SLC4A3: variants seen among roughly 807,000 people sequenced by gnomAD.
SLC4A3 encodes solute carrier family 4 member 3, also known as anion exchange protein 3.
In SLC4A3, 47 loss-of-function variants were observed where a neutral mutation model predicts 114.2. The ratio of observed to expected loss-of-function variants is 0.41; its 90% confidence interval spans 0.33 to 0.52. SLC4A3 has a LOEUF of 0.52. Among genes scored for constraint, SLC4A3 ranks in the 20% least tolerant of loss-of-function variants. The pLI, the probability that SLC4A3 is intolerant of heterozygous loss-of-function variation, is 0.21. For synonymous variants in SLC4A3, 693 were observed against 710.3 expected (o/e 0.98, Z 0.39); for missense variants, 1,312 against 1,668.3 (o/e 0.79, Z 3.72).
chr2:219,630,175 G>C lies in SLC4A3; in HGVS notation c.634G>C (p.Ala212Pro). The C allele has an allele frequency of 6.2e-7, 1 of 1,612,552 alleles. No homozygotes were observed. Among genetic ancestry groups the C allele is most frequent in the Non-Finnish European group, 8.5e-7 (1 of 1,179,504 alleles). Residue 212 changes from alanine to proline, a missense_variant, in exon 6 of 23, where the codon GCC becomes CCC. By Grantham distance (27) the Ala-to-Pro change is conservative. This residue lies in a region of SLC4A3 where 771 missense variants were observed against 977.7 expected (regional missense o/e 0.79). Coordinates refer to ENST00000358055, the MANE Select transcript of SLC4A3 (RefSeq NM_005070.4). The surrounding 1 kb of genome is among the most constrained non-coding windows in gnomAD (Gnocchi z 6.9). Reference protein sequence around the residue: ...SSSSPSPRARASRLAGEKSRP... With the variant: ...SSSSPSPRARPSRLAGEKSRP... The stretch of plus-strand genomic sequence containing the variant: ...CAGCTCCCCCAGCCCCCGGGCCCGG[G>C]CCTCCCGACTCGCTGGGGAGAAAAG...
chr2:219,638,109 G>T lies in SLC4A3; in HGVS notation c.2767-55G>T. On this transcript the variant is annotated intron_variant, in intron 17 of 22. Transcript: ENST00000358055. This position sits in a 1 kb window ranked among gnomAD's most constrained non-coding sequence, Gnocchi z 7.5. Reference sequence around the variant, plus strand: ...GCCAGAGATGGCAAGCCCCGTGTTAGTCTGCTGACCTTGCCTCCACCTTTT... The same window carrying T: ...GCCAGAGATGGCAAGCCCCGTGTTATTCTGCTGACCTTGCCTCCACCTTTT... 1 of 1,405,142 alleles carries T rather than the reference G, an allele frequency of 7.1e-7. No individual in the cohort carries two copies. The highest frequency in any genetic ancestry group is 1.2e-5 in the South Asian group (1 of 82,400). 87.0% of individuals were successfully genotyped at this position (1,405,142 alleles called of 1,614,324 possible). A position where few individuals can be genotyped will look rare whatever the true frequency, so the allele number is the denominator to read the frequency against.
Position 219,628,657 on chromosome 2 carries a change from C to T in SLC4A3, c.217+87C>T. 7.5e-7 allele frequency: 1 copy of T among 1,340,082 alleles called. No individual in the cohort carries two copies. The highest frequency in any genetic ancestry group is 1.2e-5 in the South Asian group (1 of 80,786). The allele number at this position is 1,340,082 out of a possible 1,614,324, so 83.0% of individuals were successfully genotyped here. A position where few individuals can be genotyped will look rare whatever the true frequency, so the allele number is the denominator to read the frequency against. ...TCACCGCGCTCACCTCCGGCTTGGT[C>T]ACCCAGTGCCATCCTGTGCCGGACA... On this transcript the variant is annotated intron_variant, in intron 3 of 22. Transcript: ENST00000358055. The surrounding 1 kb of genome is among the most constrained non-coding windows in gnomAD (Gnocchi z 4.8).
rs1194711497 is a variant in SLC4A3 at position 219,631,379 on chromosome 2, T to A, written c.812-589T>A. ...TGGCCCCGGAAGACTTAGAGATGTT[T>A]GTGCTGGACTTTGAGGATGGTGACC... is the stretch of plus-strand genomic sequence containing the variant. On this transcript the variant is annotated intron_variant, in intron 6 of 22. Coordinates refer to ENST00000358055, the MANE Select transcript of SLC4A3 (RefSeq NM_005070.4). This position sits in a 1 kb window ranked among gnomAD's most constrained non-coding sequence, Gnocchi z 6.3. 3 of 1,304,208 alleles carry A rather than the reference T, an allele frequency of 2.3e-6. No homozygotes were observed. In the Admixed American group the frequency reaches 6.9e-5, roughly 30 times the overall value. The allele number at this position is 1,304,208 out of a possible 1,614,324, so 80.8% of individuals were successfully genotyped here. A position where few individuals can be genotyped will look rare whatever the true frequency, so the allele number is the denominator to read the frequency against.
Position 219,636,760 on chromosome 2 carries a change from G to A in SLC4A3, c.2421G>A (p.Leu807=), listed in dbSNP as rs1307313596. The change falls in exon 16 of 23, where the codon CTG becomes CTA. Residue 807 remains leucine, a synonymous_variant. Transcript: ENST00000358055. This position sits in a 1 kb window ranked among gnomAD's most constrained non-coding sequence, Gnocchi z 5.5. ...GGCTGGTGGTCTTCGTCCTTGCCCT[G>A]GTGGCCGCCGAAGGCAGCTTCCTGG... ...GLWLVVFVLA[L]VAAEGSFLVR... 1 of 1,613,964 alleles carries A rather than the reference G, an allele frequency of 6.2e-7. No individual in the cohort carries two copies. Among genetic ancestry groups the A allele is most frequent in the Non-Finnish European group, 8.5e-7 (1 of 1,179,974 alleles).
chr2:219,640,180 C>T (rs577858580), intron 20 of SLC4A3, among the ~76,000 whole-genome samples: 1 of 151,674 alleles, frequency 6.6e-6, no homozygotes. Context: ...CCACCCACCT[C>T]GGCCTCCCAA....
intron 5 of SLC4A3, 43 bp downstream of exon 5, chr2:219,629,738 C>T: frequency 7.2e-7 from 1 of 1,393,814 alleles, no homozygotes; most frequent in Non-Finnish European, 1.0e-6. Flanking sequence ...AGCCCAGAGC[C>T]ACAGGGTCCA....
At chr2:219,629,101 G>A in intron 3 of SLC4A3, 43 bp from the exon 4 acceptor site, 1 of 1,528,538 alleles carries the variant, frequency 6.5e-7, no homozygotes, top group Non-Finnish European at 8.8e-7. Context: ...GAGGGCCCCT[G>A]TTTCTGCTGT....
chr2:219,640,455 G>A lies in SLC4A3; in HGVS notation c.3303G>A (p.Val1101=), dbSNP rs1699286504. The A allele has an allele frequency of 6.2e-7, 1 of 1,613,886 alleles. No individual in the cohort carries two copies. Among genetic ancestry groups the A allele is most frequent in the Admixed American group, 1.7e-5 (1 of 60,004 alleles). The stretch of plus-strand genomic sequence containing the variant: ...GCCTGTCCATCGTCATGGGGGCTGT[G>A]CTGCGTCGGATCCCATTGGCTGTGC... ...LVGLSIVMGA[V]LRRIPLAVLF... The change falls in exon 21 of 23, where the codon GTG becomes GTA. Residue 1101 remains valine, a synonymous_variant. Transcript: ENST00000358055.
Position 219,641,871 on chromosome 2 carries a change from GC to G in SLC4A3, c.*149del, listed in dbSNP as rs1235755553. On this transcript the variant is annotated 3_prime_UTR_variant, in exon 23 of 23. Transcript: ENST00000358055. This position sits in a 1 kb window ranked among gnomAD's most constrained non-coding sequence, Gnocchi z 4.0. ...CACTCCTGATGCCATGGCTAGAGTG[GC>G]CCCCCTGACTTCTGCCCGGGGTGTT... 5 of 657,664 alleles carry G rather than the reference GC, an allele frequency of 7.6e-6. No homozygotes were observed. Among genetic ancestry groups the G allele is most frequent in the African/African-American group, 1.8e-5 (1 of 54,934 alleles). 40.7% of individuals were successfully genotyped at this position (657,664 alleles called of 1,614,324 possible). A position where few individuals can be genotyped will look rare whatever the true frequency, so the allele number is the denominator to read the frequency against.
At position 219,635,935 on chromosome 2, in the gene SLC4A3, C is replaced by G. The variant is rs1699103924; in HGVS notation, c.2191+44C>G. 4 of 1,401,536 alleles carry G rather than the reference C, an allele frequency of 2.9e-6. No individual in the cohort carries two copies. The East Asian group carries it at 9.8e-5, about 34-fold the overall frequency. 86.8% of individuals were successfully genotyped at this position (1,401,536 alleles called of 1,614,324 possible). On this transcript the variant is annotated intron_variant, in intron 14 of 22. Coordinates refer to ENST00000358055, the MANE Select transcript of SLC4A3 (RefSeq NM_005070.4). ...GGGAGTTGAGGGGCTCCTCTAGTCA[C>G]TTCTGGTCCCAGTGTCACTTGCAGG...
chr2:219,641,580 A>G lies in SLC4A3; in HGVS notation c.3622-71A>G, dbSNP rs1159380173. Reference sequence around the variant, plus strand: ...GGGAGCAGGGAGGGCTGCAGGTTGGAGGAGGAGCTGGAGAATGGGAGGGGA... The same window carrying G: ...GGGAGCAGGGAGGGCTGCAGGTTGGGGGAGGAGCTGGAGAATGGGAGGGGA... On this transcript the variant is annotated intron_variant, in intron 22 of 22. Coordinates refer to ENST00000358055, the MANE Select transcript of SLC4A3 (RefSeq NM_005070.4). The surrounding 1 kb of genome is among the most constrained non-coding windows in gnomAD (Gnocchi z 4.0). 5.7e-6 allele frequency: 7 copies of G among 1,231,204 alleles called. No individual in the cohort carries two copies. Among genetic ancestry groups the G allele is most frequent in the Non-Finnish European group, 8.4e-6 (7 of 835,432 alleles). 76.3% of individuals were successfully genotyped at this position (1,231,204 alleles called of 1,614,324 possible).
At position 219,639,383 on chromosome 2, in the gene SLC4A3, A is replaced by G. The variant is rs1574658093; in HGVS notation, c.3024-99A>G. On this transcript the variant is annotated intron_variant, in intron 19 of 22. Coordinates refer to ENST00000358055, the MANE Select transcript of SLC4A3 (RefSeq NM_005070.4). This position sits in a 1 kb window ranked among gnomAD's most constrained non-coding sequence, Gnocchi z 5.9. ...AGTCCTAGGGAGAACTGTTGTCTGC[A>G]CGTCCTCCCCCCACCATCTCGTCTC... 7.1e-7 allele frequency: 1 copy of G among 1,402,478 alleles called. No individual in the cohort carries two copies. Among genetic ancestry groups the G allele is most frequent in the Non-Finnish European group, 9.8e-7 (1 of 1,021,064 alleles). 86.9% of individuals were successfully genotyped at this position (1,402,478 alleles called of 1,614,324 possible). A position where few individuals can be genotyped will look rare whatever the true frequency, so the allele number is the denominator to read the frequency against.
chr2:219,638,855 G>GAC lies in SLC4A3; in HGVS notation c.3013_3014dup (p.Gln1005HisfsTer57). On this transcript the variant is annotated frameshift_variant, in exon 19 of 23. Transcript: ENST00000358055. LOFTEE classifies it high-confidence loss of function. The surrounding 1 kb of genome is among the most constrained non-coding windows in gnomAD (Gnocchi z 7.5). The stretch of plus-strand genomic sequence containing the variant: ...TCGTCCTCATCCTGATCTTCATGGA[G>GAC]ACACAGATCACGGCGTGAGAGAGAT... The GAC allele has an allele frequency of 6.2e-7, 1 of 1,613,838 alleles. No homozygotes were observed. The highest frequency in any genetic ancestry group is 8.5e-7 in the Non-Finnish European group (1 of 1,180,034).
Position 219,638,694 on chromosome 2 carries a change from G to A in SLC4A3, c.2857-9G>A. 6.2e-7 allele frequency: 1 copy of A among 1,613,246 alleles called. No homozygotes were observed. Among genetic ancestry groups the A allele is most frequent in the Non-Finnish European group, 8.5e-7 (1 of 1,179,692 alleles). ...CTGTGTCCCTGAACCCTGTTTTCCT[G>A]CCATGCAGAAGCTGACAGTGCCTAC... is the stretch of plus-strand genomic sequence containing the variant. On this transcript the variant is annotated splice_polypyrimidine_tract_variant and intron_variant, in intron 18 of 22. Transcript: ENST00000358055. The surrounding 1 kb of genome is among the most constrained non-coding windows in gnomAD (Gnocchi z 7.5).
Position 219,631,359 on chromosome 2 carries a change from C to A in SLC4A3, c.812-609C>A, listed in dbSNP as rs1336465977. The stretch of plus-strand genomic sequence containing the variant: ...CCCCAGTCCTCGAGACTCACTGGCC[C>A]CGGAAGACTTAGAGATGTTTGTGCT... On this transcript the variant is annotated intron_variant, in intron 6 of 22. Coordinates refer to ENST00000358055, the MANE Select transcript of SLC4A3 (RefSeq NM_005070.4). This position sits in a 1 kb window ranked among gnomAD's most constrained non-coding sequence, Gnocchi z 6.3. The A allele has an allele frequency of 4.6e-6, 6 of 1,304,246 alleles. No homozygotes were observed. The highest frequency in any genetic ancestry group is 6.1e-6 in the Non-Finnish European group (6 of 988,944). 80.8% of individuals were successfully genotyped at this position (1,304,246 alleles called of 1,614,324 possible).
rs1699178670 is a variant in SLC4A3 at position 219,637,733 on chromosome 2, A to G, written c.2688A>G (p.Ser896=). ...PRNQPNTALL[S]LILMLGTFFI... is the part of the protein sequence containing the mutation. Reference sequence around the variant, plus strand: ...ACCAGCCCAATACGGCACTGCTCTCACTCATCCTCATGCTCGGGACCTTCT... The same window carrying G: ...ACCAGCCCAATACGGCACTGCTCTCGCTCATCCTCATGCTCGGGACCTTCT... The change falls in exon 17 of 23, where the codon TCA becomes TCG. Residue 896 remains serine, a synonymous_variant. Coordinates refer to ENST00000358055, the MANE Select transcript of SLC4A3 (RefSeq NM_005070.4). The surrounding 1 kb of genome is among the most constrained non-coding windows in gnomAD (Gnocchi z 4.6). The G allele has an allele frequency of 6.2e-7, 1 of 1,613,300 alleles. No homozygotes were observed. The highest frequency in any genetic ancestry group is 8.5e-7 in the Non-Finnish European group (1 of 1,179,716).
Position 219,640,596 on chromosome 2 carries a change from C to A in SLC4A3, c.3444C>A (p.Thr1148=). ...ACCATCCTGAGCAGCCCTATGTGAC[C>A]AAGGTAGGGCCGGGAAGCATGGGGG... ...AKHHPEQPYV[T]KVKTWRMHLF... is the part of the protein sequence containing the mutation. The change falls in exon 21 of 23, where the codon ACC becomes ACA. Residue 1148 remains threonine (T), a synonymous_variant. Transcript: ENST00000358055. 1 of 1,613,596 alleles carries A rather than the reference C, an allele frequency of 6.2e-7. No individual in the cohort carries two copies. Among genetic ancestry groups the A allele is most frequent in the Non-Finnish European group, 8.5e-7 (1 of 1,179,702 alleles).
Position 219,629,186 on chromosome 2 carries a change from C to T in SLC4A3, c.260C>T (p.Ala87Val), listed in dbSNP as rs1381299301. 1.3e-5 allele frequency: 21 copies of T among 1,609,432 alleles called. No homozygotes were observed. Among genetic ancestry groups the T allele is most frequent in the Admixed American group, 1.7e-5 (1 of 59,386 alleles). ...TSHHTHHPLS[A>V]RLPPPHKLRR... is the part of the protein sequence containing the mutation. ...CACCACACCCACCACCCGCTCTCAG[C>T]GCGCCTGCCTCCACCCCACAAGCTG... The change falls in exon 4 of 23, where the codon GCG (alanine) becomes GTG (valine). Residue 87 changes from alanine to valine, a missense_variant. By Grantham distance (64) the Ala-to-Val change is moderately conservative. This residue lies in a region of SLC4A3 where 236 missense variants were observed against 212.1 expected (regional missense o/e 1.11). Transcript: ENST00000358055.
At position 219,641,006 on chromosome 2, in the gene SLC4A3, G is replaced by A. The variant is rs768081502; in HGVS notation, c.3621+44G>A. ...GGGGAAACAGTGTTAGGGCAAATGGGCACTGGGTTCCAATCTCTGTTTGGC... is the reference window on the plus strand; with the variant it reads ...GGGGAAACAGTGTTAGGGCAAATGGACACTGGGTTCCAATCTCTGTTTGGC... On this transcript the variant is annotated intron_variant, in intron 22 of 22. Coordinates refer to ENST00000358055, the MANE Select transcript of SLC4A3 (RefSeq NM_005070.4). The surrounding 1 kb of genome is among the most constrained non-coding windows in gnomAD (Gnocchi z 4.0). The A allele has an allele frequency of 1.3e-6, 2 of 1,567,244 alleles. No individual in the cohort carries two copies. Among genetic ancestry groups the A allele is most frequent in the Admixed American group, 3.4e-5 (2 of 57,984 alleles).
Sources: allele counts gnomAD v4.1 joint callset (sites outside exome capture counted in the v4.1 genomes callset), GRCh38; gene constraint gnomAD v4.1.1; regional missense constraint gnomAD v4.1.1; non-coding constraint Gnocchi (gnomAD v3.1); transcripts MANE v1.5; gene names NCBI Gene and HGNC (gene_info 2026-07-23, HGNC 2026-07-21).